Variants in TBC1D14 observed in about 807,000 individuals in gnomAD.
TBC1D14 encodes TBC1 domain family member 14.
Under a neutral mutation model 79.0 loss-of-function variants are expected in TBC1D14, and 26 were observed. The observed-to-expected ratio is 0.33, with a 90% CI of 0.24 to 0.46. TBC1D14 has a LOEUF of 0.46. TBC1D14 is among the 20% of genes least tolerant of loss of function. The probability of loss-of-function intolerance (pLI) is 1.00; values close to 1 mark genes in which losing one functional copy is unlikely to be tolerated. For missense variants in TBC1D14, 769 were observed against 887.6 expected, an observed-to-expected ratio of 0.87 and a Z score of 1.70; for synonymous variants, 394 against 349.9, an observed-to-expected ratio of 1.13 and a Z score of -1.40.
intron 2 of TBC1D14, among the ~76,000 whole-genome samples, chr4:6,930,713 G>A (rs192820507): frequency 8.9e-4 from 135 of 151,822 alleles, no homozygotes; most frequent in African/African-American, 3.2e-3. Flanking sequence ...CAGGAGAATG[G>A]CTTGAATCTG....
At chr4:6,983,153 G>A (rs973192713) in intron 3 of TBC1D14, among the ~76,000 whole-genome samples, 4 of 152,068 alleles carry the variant, frequency 2.6e-5, no homozygotes, top group African/African-American at 9.7e-5. Context: ...TGTATTTTTA[G>A]TAGAGACAGG....
intron 1 of TBC1D14, among the ~76,000 whole-genome samples, chr4:6,914,001 G>C (rs536312603): frequency 2.0e-5 from 3 of 152,012 alleles, no homozygotes; most frequent in African/African-American, 7.2e-5. Context: ...CTGGGTGGAC[G>C]TGGTGGCGGG....
chr4:6,917,714 G>A (rs1723512019), intron 1 of TBC1D14, among the ~76,000 whole-genome samples: 1 of 152,158 alleles, frequency 6.6e-6, no homozygotes, highest in Admixed American at 6.5e-5. Flanking sequence ...TATAAACGTG[G>A]ACTTGGAGGC....
chr4:6,909,975 C>CCGGGCCG (rs1240699340), intron 1 of TBC1D14, 24 bp downstream of exon 1: 3 of 147,362 alleles, frequency 2.0e-5, no homozygotes, highest in South Asian at 2.1e-4. Context: ...CCCGCGAGGG[C>CCGGGCCG]CGGGCCGCGG....
intron 9 of TBC1D14, among the ~76,000 whole-genome samples, chr4:7,009,517 C>G (rs1720535585): frequency 6.6e-6 from 1 of 152,170 alleles, no homozygotes; most frequent in Non-Finnish European, 1.5e-5. Context: ...CTGAGTGACA[C>G]TGAGTAGTCA....
chr4:6,974,397 A>G (rs535151418), intron 3 of TBC1D14, among the ~76,000 whole-genome samples: 1 of 152,304 alleles, frequency 6.6e-6, no homozygotes, highest in South Asian at 2.1e-4. Flanking sequence ...GAAACTAGAA[A>G]GTACTGGGGG....
chr4:7,004,738 A>G (rs1439492723), intron 7 of TBC1D14, 106 bp from the exon 8 acceptor site: 7 of 992,414 alleles, frequency 7.1e-6, no homozygotes, highest in South Asian at 2.8e-5. Flanking sequence ...CATTAAGCCT[A>G]TTATAGTTGA....
intron 1 of TBC1D14, among the ~76,000 whole-genome samples, chr4:6,914,606 G>A (rs1284317157): frequency 6.6e-6 from 1 of 152,200 alleles, no homozygotes; most frequent in Non-Finnish European, 1.5e-5. Flanking sequence ...TGGTTGTGGA[G>A]GTGACAGAAC....
chr4:7,011,664 AT>A (rs1333788931), intron 11 of TBC1D14, among the ~76,000 whole-genome samples: 1 of 151,710 alleles, frequency 6.6e-6, no homozygotes, highest in Non-Finnish European at 1.5e-5. Context: ...TCAAGCAATT[AT>A]CGTGTCTCAG....
chr4:7,025,541 A>G (rs1021274829), intron 13 of TBC1D14, among the ~76,000 whole-genome samples: 22 of 152,192 alleles, frequency 1.4e-4, no homozygotes, highest in Non-Finnish European at 8.8e-5. Flanking sequence ...GTATCATTAT[A>G]GTGCTCTTTA....
chr4:6,961,811 T>G (rs1419164255), intron 2 of TBC1D14, among the ~76,000 whole-genome samples: 1 of 152,172 alleles, frequency 6.6e-6, no homozygotes, highest in African/African-American at 2.4e-5. Flanking sequence ...GACTGGCATC[T>G]GTCTGCAGGG....
chr4:6,993,978 C>T (rs1480670654), intron 3 of TBC1D14, among the ~76,000 whole-genome samples: 1 of 152,220 alleles, frequency 6.6e-6, no homozygotes, highest in Non-Finnish European at 1.5e-5. Flanking sequence ...TCATTGCACT[C>T]CAGCCTGGGC....
chr4:6,993,208 C>T (rs1281643090), intron 3 of TBC1D14, among the ~76,000 whole-genome samples: 1 of 152,228 alleles, frequency 6.6e-6, no homozygotes, highest in Non-Finnish European at 1.5e-5. Flanking sequence ...ATCTTCCCTT[C>T]AGGGGCATTC....
rs528899151 is a variant in TBC1D14 at position 7,025,095 on chromosome 4, C to T, written c.1849C>T (p.Arg617Cys). The T allele has an allele frequency of 2.8e-5, 46 of 1,614,210 alleles. No homozygotes were observed. In the South Asian group the frequency reaches 4.5e-4, roughly 16 times the overall value. Reference protein sequence around the residue: ...FCRDGEEFLFRTALGILKLFE... With the variant: ...FCRDGEEFLFCTALGILKLFE... ...TCGCGATGGGGAAGAGTTCCTGTTC[C>T]GCACGGCCCTGGGCATCCTGAAGCT... is the stretch of plus-strand genomic sequence containing the variant. Residue 617 changes from arginine (R) to cysteine (C), a missense_variant, in exon 13 of 14, where the codon CGC (arginine) becomes TGC (cysteine). Transcript: ENST00000409757.
At position 6,987,484 on chromosome 4, in the gene TBC1D14, T is replaced by C. The variant is rs1053330844; in HGVS notation, c.844-6700T>C. On this transcript the variant is annotated intron_variant, in intron 3 of 13. Coordinates refer to ENST00000409757, the MANE Select transcript of TBC1D14 (RefSeq NM_020773.3). The stretch of plus-strand genomic sequence containing the variant: ...GTGCGAGTGTGCATGTGTGCGGTTG[T>C]GCGGGTGTGCGAGCATCACGTGTAT... 4 of 832,796 alleles carry C rather than the reference T, an allele frequency of 4.8e-6. No homozygotes were observed. In the African/African-American group the frequency reaches 5.3e-5, roughly 11 times the overall value. 51.6% of individuals were successfully genotyped at this position (832,796 alleles called of 1,614,324 possible).
At chr4:6,982,336 AAGTC>A (rs1369188008) in intron 3 of TBC1D14, among the ~76,000 whole-genome samples, 1 of 152,204 alleles carries the variant, frequency 6.6e-6, no homozygotes, top group African/African-American at 2.4e-5. Context: ...CTGAAGGTAA[AAGTC>A]AGTCTCGAAA....
intron 1 of TBC1D14, among the ~76,000 whole-genome samples, chr4:6,913,986 A>G (rs766258264): frequency 1.7e-4 from 26 of 152,050 alleles, no homozygotes; most frequent in Non-Finnish European, 3.2e-4. Flanking sequence ...ACAACAAAAA[A>G]TTAGCTGGGT....
At chr4:6,991,749 G>A (rs1267141188) in intron 3 of TBC1D14, among the ~76,000 whole-genome samples, 1 of 152,198 alleles carries the variant, frequency 6.6e-6, no homozygotes, top group Non-Finnish European at 1.5e-5. Flanking sequence ...GCCCCTTCGG[G>A]GGGCTGGTGT....
intron 3 of TBC1D14, among the ~76,000 whole-genome samples, chr4:6,980,681 C>A (rs1011740245): frequency 6.6e-6 from 1 of 150,606 alleles, no homozygotes; most frequent in Admixed American, 6.6e-5. Context: ...ACTACAGACT[C>A]CACAAAAATA....
Sources: allele counts gnomAD v4.1 joint callset (sites outside exome capture counted in the v4.1 genomes callset), GRCh38; gene constraint gnomAD v4.1.1; transcripts MANE v1.5; gene names NCBI Gene and HGNC (gene_info 2026-07-23, HGNC 2026-07-21).